The following CHST8 variants were observed in gnomAD, a reference collection of about 807,000 sequenced individuals.
CHST8 encodes carbohydrate sulfotransferase 8.
Under a neutral mutation model 15.0 loss-of-function variants are expected in CHST8, and 10 were observed. The observed-to-expected ratio is 0.67, with a 90% CI of 0.41 to 1.13. The LOEUF (loss-of-function observed/expected upper bound fraction) is 1.13. Among genes scored for constraint, CHST8 ranks in the 50% most tolerant of loss-of-function variants. The probability of loss-of-function intolerance (pLI) is 0.00; values close to 1 mark genes in which losing one functional copy is unlikely to be tolerated. For synonymous variants in CHST8, 259 were observed against 256.6 expected, an observed-to-expected ratio of 1.01 and a Z score of -0.09; for missense variants, 634 against 608.2, an observed-to-expected ratio of 1.04 and a Z score of -0.45.
At chr19:33,630,137 G>T (rs1044241784) in intron 1 of CHST8, among the ~76,000 whole-genome samples, 18 of 152,232 alleles carry the variant, frequency 1.2e-4, no homozygotes, top group African/African-American at 4.1e-4. Context: ...GCCTTGAGCT[G>T]CAGGAGCTTT....
At chr19:33,700,991 G>C (rs568578623) in intron 3 of CHST8, among the ~76,000 whole-genome samples, 1 of 152,168 alleles carries the variant, frequency 6.6e-6, no homozygotes, top group African/African-American at 2.4e-5. Context: ...TTCAGGTCTG[G>C]ATACCCCGAG....
At chr19:33,691,098 C>G (rs1017599090) in intron 3 of CHST8, among the ~76,000 whole-genome samples, 1 of 152,242 alleles carries the variant, frequency 6.6e-6, no homozygotes, top group Admixed American at 6.5e-5. Context: ...GTGGCTTCAG[C>G]TAGTGCCCTG....
In CHST8 at chr19:33,667,832, G is replaced by T. The variant is rs566519909; in HGVS notation, c.-98G>T. 2.6e-5 allele frequency: 4 copies of T among 152,112 alleles called. No homozygotes were observed. In the South Asian group the frequency reaches 8.3e-4, roughly 32 times the overall value. The allele number at this position is 152,112 out of a possible 1,614,324, so 9.4% of individuals were successfully genotyped here. On this transcript the variant is annotated 5_prime_UTR_variant, in exon 2 of 5. Coordinates refer to ENST00000650847, the MANE Select transcript of CHST8 (RefSeq NM_001127895.2). ...GTACGCAAGAAATAATGCAAGACTC[G>T]TTTATGTTCAGGTAATGCACAAAGA...
intron 3 of CHST8, among the ~76,000 whole-genome samples, chr19:33,714,100 A>C (rs1212568009): frequency 6.6e-6 from 1 of 152,200 alleles, no homozygotes; most frequent in African/African-American, 2.4e-5. Flanking sequence ...GAGATTTCTC[A>C]AACAACTAAA....
intron 3 of CHST8, among the ~76,000 whole-genome samples, chr19:33,748,999 G>A (rs1277483283): frequency 6.6e-6 from 1 of 152,188 alleles, no homozygotes; most frequent in Non-Finnish European, 1.5e-5. Flanking sequence ...GGCATCAGAG[G>A]AATTCAGGAC....
intron 3 of CHST8, among the ~76,000 whole-genome samples, chr19:33,738,749 C>T (rs1354406752): frequency 2.0e-5 from 3 of 152,084 alleles, no homozygotes; most frequent in Non-Finnish European, 2.9e-5. Flanking sequence ...ACCAGCATGC[C>T]CGGCTAATTT....
intron 3 of CHST8, among the ~76,000 whole-genome samples, chr19:33,731,081 G>C (rs1212534599): frequency 2.6e-5 from 4 of 152,178 alleles, no homozygotes; most frequent in Admixed American, 1.3e-4. Flanking sequence ...TGACTCAAAT[G>C]TTAAAGTCCT....
chr19:33,688,833 T>C (rs999085161), intron 2 of CHST8, among the ~76,000 whole-genome samples: 1 of 152,072 alleles, frequency 6.6e-6, no homozygotes, highest in African/African-American at 2.4e-5. Flanking sequence ...CGCATGCTTA[T>C]TTGGAGGCCT....
intron 1 of CHST8, among the ~76,000 whole-genome samples, chr19:33,648,960 G>A (rs993339833): frequency 3.0e-4 from 41 of 137,138 alleles, no homozygotes; most frequent in African/African-American, 1.1e-3. Flanking sequence ...CTGGAGTGCA[G>A]TGGGGCGATC....
At chr19:33,700,817 T>C (rs1296477880) in intron 3 of CHST8, among the ~76,000 whole-genome samples, 1 of 152,210 alleles carries the variant, frequency 6.6e-6, no homozygotes, top group Non-Finnish European at 1.5e-5. Context: ...ACACCCACAC[T>C]GTGCTTTATG....
At chr19:33,685,476 G>C (rs1972961520) in intron 2 of CHST8, among the ~76,000 whole-genome samples, 1 of 151,892 alleles carries the variant, frequency 6.6e-6, no homozygotes, top group South Asian at 2.1e-4. Context: ...CGCTGGGGCT[G>C]TTTATTTTTC....
intron 3 of CHST8, among the ~76,000 whole-genome samples, chr19:33,716,108 C>T (rs1213663401): frequency 2.0e-5 from 3 of 152,202 alleles, no homozygotes; most frequent in African/African-American, 4.8e-5. Flanking sequence ...CATATCGAGA[C>T]GGATTTTTTT....
chr19:33,669,102 C>G lies in CHST8; in HGVS notation c.-87+1259C>G, dbSNP rs1219893190. On this transcript the variant is annotated intron_variant, in intron 2 of 4. Transcript: ENST00000650847. ...CAGAATCGTTCCCATCAGCCACAGG[C>G]ACCAGTGCACTGTGCTCATGACCTT... is the stretch of plus-strand genomic sequence containing the variant. Among the ~76,000 whole-genome samples the G allele has an allele frequency of 2.0e-5, 3 of 152,172 alleles. No homozygotes were observed. The East Asian group carries it at 5.8e-4, about 29-fold the overall frequency.
At chr19:33,725,099 T>G (rs921503343) in intron 3 of CHST8, among the ~76,000 whole-genome samples, 1 of 151,960 alleles carries the variant, frequency 6.6e-6, no homozygotes, top group African/African-American at 2.4e-5. Context: ...GGGACATGAG[T>G]GTGCGTGCAC....
chr19:33,666,378 T>C (rs1365221377), intron 1 of CHST8, among the ~76,000 whole-genome samples: 1 of 152,204 alleles, frequency 6.6e-6, no homozygotes, highest in Non-Finnish European at 1.5e-5. Context: ...CCTCCCAGCC[T>C]CACGGGGAGA....
intron 3 of CHST8, among the ~76,000 whole-genome samples, chr19:33,712,518 G>A (rs1224134395): frequency 6.6e-6 from 1 of 152,156 alleles, no homozygotes; most frequent in African/African-American, 2.4e-5. Context: ...GAATCAGCAG[G>A]CACTGTGCCT....
At chr19:33,694,842 A>C (rs546204298) in intron 3 of CHST8, among the ~76,000 whole-genome samples, 4 of 152,194 alleles carry the variant, frequency 2.6e-5, no homozygotes, top group Non-Finnish European at 5.9e-5. Context: ...TGGCCTCCCA[A>C]AGTGTTGGGA....
chr19:33,707,923 T>C (rs534716856), intron 3 of CHST8, among the ~76,000 whole-genome samples: 20 of 152,346 alleles, frequency 1.3e-4, no homozygotes, highest in Non-Finnish European at 2.6e-4. Context: ...AGACTTGTTA[T>C]TATCTGTCTT....
chr19:33,757,389 AG>A (rs1339033635), intron 3 of CHST8, among the ~76,000 whole-genome samples: 5 of 4,966 alleles, frequency 1.0e-3, no homozygotes, highest in East Asian at 0.011. Context: ...CAAAAAAAGA[AG>A]AAAGAAAGAA....
Sources: gnomAD v4.1 joint callset for allele counts (sites outside exome capture counted in the v4.1 genomes callset) on GRCh38, gnomAD v4.1.1 for gene constraint, MANE v1.5 for transcripts, NCBI Gene and HGNC (gene_info 2026-07-23, HGNC 2026-07-21) for gene names.